Variants in IL15 observed in about 807,000 individuals in gnomAD.
IL15 encodes the protein interleukin 15, also known as interleukin-15.
Under a neutral mutation model 19.6 loss-of-function variants are expected in IL15, and 11 were observed. The observed-to-expected ratio is 0.56, with a 90% CI of 0.35 to 0.93. IL15 has a LOEUF of 0.93. Among genes scored for constraint, IL15 ranks in the 40% least tolerant of loss-of-function variants. The pLI is 0.01. For synonymous variants in IL15, 58 were observed against 59.6 expected, an observed-to-expected ratio of 0.97 and a Z score of 0.12; for missense variants, 197 against 186.5, an observed-to-expected ratio of 1.06 and a Z score of -0.33.
chr4:141,650,750 C>T (rs1172636531), intron 1 of IL15, among the ~76,000 whole-genome samples: 4 of 152,056 alleles, frequency 2.6e-5, no homozygotes, highest in Admixed American at 1.3e-4. Context: ...CTGAGATTTT[C>T]AACCTGTCAT....
chr4:141,680,062 A>G (rs565889704), intron 2 of IL15, among the ~76,000 whole-genome samples: 1 of 152,196 alleles, frequency 6.6e-6, no homozygotes, highest in Non-Finnish European at 1.5e-5. Context: ...AAGAACCTAT[A>G]CTACTATATA....
chr4:141,720,233 T>C (rs1040704380), intron 3 of IL15, among the ~76,000 whole-genome samples: 7 of 152,138 alleles, frequency 4.6e-5, no homozygotes, highest in African/African-American at 1.4e-4. Context: ...AAATTATCTT[T>C]GACATGCATC....
chr4:141,650,002 T>A (rs1727352292), intron 1 of IL15, among the ~76,000 whole-genome samples: 1 of 152,098 alleles, frequency 6.6e-6, no homozygotes. Flanking sequence ...GCACAACTAT[T>A]CAGTAAAGTG....
chr4:141,644,132 C>A (rs1462593125), intron 1 of IL15, among the ~76,000 whole-genome samples: 1 of 151,726 alleles, frequency 6.6e-6, no homozygotes, highest in Non-Finnish European at 1.5e-5. Flanking sequence ...TCAGTGCTGT[C>A]ACCTGGGTTC....
At chr4:141,689,468 TAC>T (rs1221604607) in intron 2 of IL15, among the ~76,000 whole-genome samples, 1 of 152,128 alleles carries the variant, frequency 6.6e-6, no homozygotes, top group East Asian at 1.9e-4. Flanking sequence ...AATAGCTAGA[TAC>T]AGTGTTGATT....
At chr4:141,703,139 A>G (rs4956404) in intron 2 of IL15, among the ~76,000 whole-genome samples, 117,471 of 152,074 alleles carry the variant, frequency 0.77, 45,686 homozygotes, top group East Asian at 0.99. Context: ...TCCACATAAC[A>G]TATGCACAGA....
chr4:141,678,120 C>T (rs748603344), intron 2 of IL15, among the ~76,000 whole-genome samples: 30 of 152,122 alleles, frequency 2.0e-4, no homozygotes, highest in Non-Finnish European at 1.0e-4. Flanking sequence ...TCAGAGGTCT[C>T]CAGCACAGTT....
intron 2 of IL15, among the ~76,000 whole-genome samples, chr4:141,695,606 G>C (rs1041012315): frequency 6.6e-6 from 1 of 151,980 alleles, no homozygotes; most frequent in African/African-American, 2.4e-5. Flanking sequence ...TAGTTGGATT[G>C]CTGGATCCTA....
At chr4:141,682,758 C>A (rs1437102555) in intron 2 of IL15, among the ~76,000 whole-genome samples, 1 of 151,938 alleles carries the variant, frequency 6.6e-6, no homozygotes, top group Non-Finnish European at 1.5e-5. Context: ...AGTTGGAGAC[C>A]GTCCTGGCTA....
chr4:141,691,677 T>A (rs1309630477), intron 2 of IL15, among the ~76,000 whole-genome samples: 2 of 152,194 alleles, frequency 1.3e-5, no homozygotes, highest in East Asian at 3.9e-4. Context: ...CTCCTTTGAC[T>A]CCATGTCTCA....
At chr4:141,687,808 G>A (rs1361286580) in intron 2 of IL15, among the ~76,000 whole-genome samples, 1 of 152,150 alleles carries the variant, frequency 6.6e-6, no homozygotes, top group Non-Finnish European at 1.5e-5. Flanking sequence ...AAGTGAATTT[G>A]AAATGAGTTG....
intron 1 of IL15, among the ~76,000 whole-genome samples, chr4:141,638,539 T>C (rs1241783326): frequency 6.6e-6 from 1 of 152,210 alleles, no homozygotes; most frequent in African/African-American, 2.4e-5. Context: ...CTGGTTGGAA[T>C]TTTCCTGCAG....
chr4:141,731,897 C>G (rs752295645), intron 7 of IL15, among the ~76,000 whole-genome samples: 12 of 152,242 alleles, frequency 7.9e-5, no homozygotes, highest in Non-Finnish European at 1.5e-4. Context: ...TTGGAACATT[C>G]TAGTTATCCA....
chr4:141,723,080 G>C (rs1730143312), intron 5 of IL15, among the ~76,000 whole-genome samples: 1 of 151,950 alleles, frequency 6.6e-6, no homozygotes, highest in South Asian at 2.1e-4. Flanking sequence ...GAGAGAGATT[G>C]GTTGAATTCA....
At chr4:141,690,905 C>T (rs1377140021) in intron 2 of IL15, among the ~76,000 whole-genome samples, 2 of 152,168 alleles carry the variant, frequency 1.3e-5, no homozygotes, top group East Asian at 1.9e-4. Flanking sequence ...ATTATTTCCA[C>T]TCTGCCAGGA....
chr4:141,642,383 C>T (rs1727076358), intron 1 of IL15, among the ~76,000 whole-genome samples: 1 of 152,114 alleles, frequency 6.6e-6, no homozygotes, highest in Admixed American at 6.5e-5. Context: ...TCCACAAAGC[C>T]CTGGGAAAGT....
At chr4:141,703,063 A>G (rs1278843415) in intron 2 of IL15, among the ~76,000 whole-genome samples, 1 of 152,200 alleles carries the variant, frequency 6.6e-6, no homozygotes, top group Non-Finnish European at 1.5e-5. Context: ...AGCCTCATCC[A>G]GCTCCTTGCA....
chr4:141,719,548 C>T lies in IL15; in HGVS notation c.12+72C>T, dbSNP rs9282741. On this transcript the variant is annotated intron_variant, in intron 3 of 7. Coordinates refer to ENST00000320650, the MANE Select transcript of IL15 (RefSeq NM_000585.5). ...GGTCGTCTGAATCTCAGAGTCTTTG[C>T]AATAAGTTACATGGTTATTCTCCAA... is the stretch of plus-strand genomic sequence containing the variant. 6,862 of 1,179,816 alleles carry T rather than the reference C, an allele frequency of 5.8e-3. 306 individuals are homozygous for T. In the African/African-American group the frequency reaches 0.092, roughly 16 times the overall value. The allele number at this position is 1,179,816 out of a possible 1,614,324, so 73.1% of individuals were successfully genotyped here. A position where few individuals can be genotyped will look rare whatever the true frequency, so the allele number is the denominator to read the frequency against.
At chr4:141,640,637 A>G (rs974462199) in intron 1 of IL15, among the ~76,000 whole-genome samples, 2 of 152,198 alleles carry the variant, frequency 1.3e-5, no homozygotes, top group Non-Finnish European at 2.9e-5. Flanking sequence ...GAGGCTCTTT[A>G]ATCTCAGTTT....
Sources: gnomAD v4.1 joint callset for allele counts (sites outside exome capture counted in the v4.1 genomes callset) on GRCh38, gnomAD v4.1.1 for gene constraint, MANE v1.5 for transcripts, NCBI Gene and HGNC (gene_info 2026-07-23, HGNC 2026-07-21) for gene names.